Variants in STIL observed in about 807,000 individuals in gnomAD.
The protein encoded by STIL is SCL-interrupting locus protein.
Under a neutral mutation model 110.1 loss-of-function variants are expected in STIL, and 55 were observed. The observed-to-expected ratio is 0.50, with a 90% CI of 0.40 to 0.63. The LOEUF is 0.63. Ranked by LOEUF, STIL falls within the 20% of genes least tolerant of loss-of-function variation. The pLI is 0.00. For missense variants in STIL, 1,358 were observed against 1,530.0 expected (o/e 0.89, Z 1.87); for synonymous variants, 481 against 530.0 (o/e 0.91, Z 1.27).
Position 47,251,847 on chromosome 1 carries a change from G to T in STIL, c.3156C>A (p.Ser1052Arg). Residue 1052 changes from serine to arginine, a missense_variant, in exon 17 of 17, where the codon AGC becomes AGA. Transcript: ENST00000371877. ...AATCCACACCATTGGGGCTTAAGCC[G>T]CTCATGCCAACATTAGCAAATGACA... is the stretch of plus-strand genomic sequence containing the variant. ...NCMSFANVGM[S>R]GLSPNGVDLS... is the part of the protein sequence containing the mutation. 6.2e-7 allele frequency: 1 copy of T among 1,607,536 alleles called. No individual in the cohort carries two copies. The highest frequency in any genetic ancestry group is 1.3e-5 in the African/African-American group (1 of 74,816).
intron 10 of STIL, among the ~76,000 whole-genome samples, chr1:47,284,749 G>C (rs952459613): frequency 2.0e-5 from 3 of 152,054 alleles, no homozygotes; most frequent in African/African-American, 7.2e-5. Context: ...AATTAGCCGG[G>C]CGTGGTGATG....
chr1:47,303,588 G>A (rs943035641), intron 3 of STIL, among the ~76,000 whole-genome samples: 2 of 152,034 alleles, frequency 1.3e-5, no homozygotes, highest in African/African-American at 4.8e-5. Flanking sequence ...AAACTTAAAT[G>A]AATAGGTTAG....
intron 15 of STIL, among the ~76,000 whole-genome samples, chr1:47,261,929 T>A (rs1185586771): frequency 6.6e-6 from 1 of 152,076 alleles, no homozygotes; most frequent in African/African-American, 2.4e-5. Context: ...AAAAAATCTT[T>A]TGAGTAATTC....
chr1:47,314,368 G>A (rs997161478), upstream of STIL, among the ~76,000 whole-genome samples: 2 of 152,374 alleles, frequency 1.3e-5, no homozygotes, highest in Non-Finnish European at 2.9e-5. Flanking sequence ...CCAGGATCAA[G>A]GATCCGAGGA....
chr1:47,296,602 G>C (rs937596704), intron 6 of STIL, among the ~76,000 whole-genome samples: 12 of 151,978 alleles, frequency 7.9e-5, no homozygotes, highest in African/African-American at 2.4e-4. Context: ...TGAGGAGTTC[G>C]AGACCAGCAT....
At chr1:47,272,280 G>A in intron 12 of STIL, 39 bp from the exon 13 acceptor site, 2 of 1,610,368 alleles carry the variant, frequency 1.2e-6, no homozygotes, top group African/African-American at 2.7e-5. Flanking sequence ...TGACAGGGAA[G>A]TAATCAACAA....
chr1:47,288,549 G>A (rs562192293), intron 9 of STIL, among the ~76,000 whole-genome samples: 6 of 151,736 alleles, frequency 4.0e-5, no homozygotes, highest in East Asian at 3.9e-4. Context: ...CGCCCACCTC[G>A]GCCTCCCAAA....
At chr1:47,256,672 C>T (rs1239104566) in intron 16 of STIL, among the ~76,000 whole-genome samples, 1 of 147,748 alleles carries the variant, frequency 6.8e-6, no homozygotes, top group Non-Finnish European at 1.5e-5. Context: ...GTACATGCTA[C>T]AATTTACTGA....
intron 1 of STIL, among the ~76,000 whole-genome samples, chr1:47,312,057 A>G (rs948991237): frequency 6.6e-6 from 1 of 152,116 alleles, no homozygotes; most frequent in Non-Finnish European, 1.5e-5. Flanking sequence ...CTCTGTGTGA[A>G]GCAAGATAAA....
intron 2 of STIL, among the ~76,000 whole-genome samples, chr1:47,306,387 A>T (rs1645962576): frequency 6.6e-6 from 1 of 151,890 alleles, no homozygotes; most frequent in Admixed American, 6.6e-5. Context: ...TCAAGCAGCT[A>T]AGACCACAAA....
intron 14 of STIL, among the ~76,000 whole-genome samples, chr1:47,268,926 T>C (rs1038177153): frequency 6.6e-6 from 1 of 151,836 alleles, no homozygotes; most frequent in Non-Finnish European, 1.5e-5. Context: ...ACCCCATCTC[T>C]ACTAAAAATA....
chr1:47,305,890 C>T (rs929517595), intron 2 of STIL, among the ~76,000 whole-genome samples: 9 of 151,680 alleles, frequency 5.9e-5, no homozygotes, highest in South Asian at 2.1e-4. Context: ...TGCCACCACA[C>T]GCAGGTAATT....
At chr1:47,293,893 G>A (rs577621476) in intron 7 of STIL, among the ~76,000 whole-genome samples, 2 of 152,256 alleles carry the variant, frequency 1.3e-5, no homozygotes, top group Middle Eastern at 3.4e-3. Context: ...AGCTTGGACT[G>A]GAAAGAATGG....
intron 16 of STIL, among the ~76,000 whole-genome samples, chr1:47,259,614 A>G (rs957559766): frequency 6.6e-6 from 1 of 152,138 alleles, no homozygotes; most frequent in Non-Finnish European, 1.5e-5. Context: ...TGGAAGAGTC[A>G]GGCAGGAATG....
At chr1:47,291,951 G>A (rs902690604) in intron 8 of STIL, among the ~76,000 whole-genome samples, 4 of 151,782 alleles carry the variant, frequency 2.6e-5, no homozygotes, top group Non-Finnish European at 5.9e-5. Flanking sequence ...TGAACTCCTG[G>A]GCTCAAGCGA....
rs573478606 is a variant in STIL at position 47,268,218 on chromosome 1, A to G, written c.2615+1417T>C. 2.2e-4 allele frequency among the ~76,000 whole-genome samples: 33 copies of G among 151,852 alleles called. No homozygotes were observed. The South Asian group carries it at 6.9e-3, about 32-fold the overall frequency. ...TCCCAGCACTTTGGAAGGCTGAGGCAGGCGGATCACCTCAGGTGAGGAGTT... is the reference window on the plus strand; with the variant it reads ...TCCCAGCACTTTGGAAGGCTGAGGCGGGCGGATCACCTCAGGTGAGGAGTT... On this transcript the variant is annotated intron_variant, in intron 14 of 16. Transcript: ENST00000371877.
chr1:47,292,173 G>T (rs72686204), intron 8 of STIL, among the ~76,000 whole-genome samples: 6 of 151,694 alleles, frequency 4.0e-5, no homozygotes, highest in African/African-American at 7.3e-5. Context: ...CCTGGTCTGG[G>T]GACCTTTATT....
chr1:47,271,558 CAAAAAAAAAA>C (rs35926663), intron 13 of STIL, among the ~76,000 whole-genome samples: 5 of 85,610 alleles, frequency 5.8e-5, no homozygotes, highest in Non-Finnish European at 8.9e-5. Flanking sequence ...GACTCCGTCT[CAAAAAAAAAA>C]AAAAAAAAAA....
intron 9 of STIL, among the ~76,000 whole-genome samples, chr1:47,288,312 T>C (rs541804652): frequency 1.4e-4 from 22 of 152,186 alleles, no homozygotes; most frequent in Admixed American, 1.4e-3. Context: ...CTTTTTTTTT[T>C]TGAGACAGAG....
Sources: gnomAD v4.1 joint callset for allele counts (sites outside exome capture counted in the v4.1 genomes callset) on GRCh38, gnomAD v4.1.1 for gene constraint, MANE v1.5 for transcripts, NCBI Gene and HGNC (gene_info 2026-07-23, HGNC 2026-07-21) for gene names.